The following PPP1R12C variants were observed in gnomAD, a reference collection of about 807,000 sequenced individuals.
PPP1R12C encodes the protein protein phosphatase 1 regulatory subunit 12C.
Under a neutral mutation model 95.6 loss-of-function variants are expected in PPP1R12C, and 48 were observed. The observed-to-expected ratio is 0.50, with a 90% CI of 0.40 to 0.64. The LOEUF (loss-of-function observed/expected upper bound fraction) is 0.64. PPP1R12C is among the 30% of genes least tolerant of loss of function. PPP1R12C has a pLI of 0.00. For synonymous variants in PPP1R12C, 480 were observed against 460.8 expected (o/e 1.04, Z -0.53); for missense variants, 1,057 against 1,083.3 (o/e 0.98, Z 0.34).
chr19:55,109,524 C>T lies in PPP1R12C; in HGVS notation c.571+2943G>A, dbSNP rs1339337278. 6.6e-6 allele frequency among the ~76,000 whole-genome samples: 1 copy of T among 152,240 alleles called. No individual in the cohort carries two copies. The highest frequency in any genetic ancestry group is 1.5e-5 in the Non-Finnish European group (1 of 68,036). The stretch of plus-strand genomic sequence containing the variant: ...GCGGTGTTGGAGGGAGCGGTGGCTC[C>T]AGGCCACGAGGTGACTGGCTGAGCA... On this transcript the variant is annotated intron_variant, in intron 3 of 21. Coordinates refer to ENST00000263433, the MANE Select transcript of PPP1R12C (RefSeq NM_017607.4). This position sits in a 1 kb window ranked among gnomAD's most constrained non-coding sequence, Gnocchi z 4.4.
chr19:55,113,038 G>C, intron 1 of PPP1R12C: 1 of 587,272 alleles, frequency 1.7e-6, no homozygotes, highest in South Asian at 2.2e-5. Flanking sequence ...CTGCAAACAG[G>C]AAGTGAACGG....
chr19:55,113,589 C>T (rs893861070), intron 1 of PPP1R12C: 21 of 1,296,806 alleles, frequency 1.6e-5, no homozygotes, highest in African/African-American at 9.2e-5. Flanking sequence ...GGGTGGGCTC[C>T]GGGACCTGAA....
Position 55,092,792 on chromosome 19 carries a change from C to G in PPP1R12C, c.1902G>C (p.Gly634=), listed in dbSNP as rs774899508. Residue 634 remains glycine (G), a synonymous_variant, in exon 16 of 22, where the codon GGG becomes GGC. Transcript: ENST00000263433. Reference sequence around the variant, plus strand: ...CACCTGAGCCCCTCACCTCCGCAGGCCCCCTCCACTCCTTTCCGACCTTGC... The same window carrying G: ...CACCTGAGCCCCTCACCTCCGCAGGGCCCCTCCACTCCTTTCCGACCTTGC... The part of the protein sequence containing the change: ...EHRKVGKEWR[G]PAEGEEAEPA... 3.9e-6 allele frequency: 6 copies of G among 1,558,088 alleles called. No homozygotes were observed. Among genetic ancestry groups the G allele is most frequent in the African/African-American group, 1.4e-5 (1 of 73,348 alleles).
intron 11 of PPP1R12C, 56 bp from the exon 12 acceptor site, chr19:55,094,854 T>G (rs1410949959): frequency 2.0e-6 from 3 of 1,532,884 alleles, no homozygotes; most frequent in Non-Finnish European, 2.6e-6. Flanking sequence ...GTGCCGGCAC[T>G]GGAGATGCAG....
At chr19:55,098,703 G>A (rs1255429058) in intron 6 of PPP1R12C, 81 bp downstream of exon 6, 20 of 1,548,552 alleles carry the variant, frequency 1.3e-5, no homozygotes, top group African/African-American at 9.5e-5. Flanking sequence ...GAAGTCGGGG[G>A]GGTTCCCCCT....
chr19:55,116,807 A>C (rs749549544), intron 1 of PPP1R12C, among the ~76,000 whole-genome samples: 1 of 152,074 alleles, frequency 6.6e-6, no homozygotes, highest in Non-Finnish European at 1.5e-5. Context: ...CAGGGCAGGG[A>C]AGGAGACAAA....
intron 3 of PPP1R12C, among the ~76,000 whole-genome samples, chr19:55,110,107 C>T (rs2085079222): frequency 6.6e-6 from 1 of 152,136 alleles, no homozygotes; most frequent in African/African-American, 2.4e-5. Flanking sequence ...TCAGAAAGTT[C>T]ACAGACCCCC....
At chr19:55,103,995 C>A (rs867789390) in intron 3 of PPP1R12C, among the ~76,000 whole-genome samples, 59 of 118,664 alleles carry the variant, frequency 5.0e-4, no homozygotes, top group Middle Eastern at 4.0e-3. Flanking sequence ...ACTAAAACTA[C>A]AAAAAAAAAA....
intron 18 of PPP1R12C, 52 bp from the exon 19 acceptor site, chr19:55,092,378 G>C (rs572853873): frequency 5.7e-6 from 9 of 1,567,560 alleles, no homozygotes; most frequent in Middle Eastern, 1.7e-4. Flanking sequence ...ATGCTGGGGG[G>C]GCGGGGAAGC....
chr19:55,112,497 C>T lies in PPP1R12C; in HGVS notation c.541G>A (p.Gly181Arg). The T allele has an allele frequency of 6.2e-7, 1 of 1,612,982 alleles. No homozygotes were observed. Among genetic ancestry groups the T allele is most frequent in the Non-Finnish European group, 8.5e-7 (1 of 1,179,804 alleles). Reference sequence around the variant, plus strand: ...CGGGCGATCTCCGCCTTCAGCAGCCCCTCCATGGCGTCCGACTCGGCCAGG... The same window carrying T: ...CGGGCGATCTCCGCCTTCAGCAGCCTCTCCATGGCGTCCGACTCGGCCAGG... Reference protein sequence around the residue: ...LDLAESDAMEGLLKAEIARRG... With the variant: ...LDLAESDAMERLLKAEIARRG... Residue 181 changes from glycine (G) to arginine (R), a missense_variant, in exon 3 of 22, where the codon GGG becomes AGG. Gly to Arg is a moderately radical substitution (Grantham distance 125, BLOSUM62 -2). Around this residue, in one of 5 missense-constraint regions of PPP1R12C, gnomAD observed 282 missense variants for 380.4 expected, o/e 0.74. Transcript: ENST00000263433.
At chr19:55,105,413 G>A (rs555842758) in intron 3 of PPP1R12C, among the ~76,000 whole-genome samples, 1 of 152,312 alleles carries the variant, frequency 6.6e-6, no homozygotes, top group South Asian at 2.1e-4. Context: ...TGTATCTGTA[G>A]ACAGAGCCCT....
chr19:55,117,209 C>A lies in PPP1R12C; in HGVS notation c.321+14G>T, dbSNP rs2085163480. ...GGACCTGGCCCCGGGAGACGCCGGG[C>A]GGGGGGCGCTGACCTGGTGCAGGGC... On this transcript the variant is annotated intron_variant, in intron 1 of 21. Coordinates refer to ENST00000263433, the MANE Select transcript of PPP1R12C (RefSeq NM_017607.4). 3 of 1,221,554 alleles carry A rather than the reference C, an allele frequency of 2.5e-6. No individual in the cohort carries two copies. Among genetic ancestry groups the A allele is most frequent in the African/African-American group, 1.6e-5 (1 of 63,690 alleles). The allele number at this position is 1,221,554 out of a possible 1,614,324, so 75.7% of individuals were successfully genotyped here.
chr19:55,112,979 G>A (rs1320979351), intron 1 of PPP1R12C, 184 bp from the exon 2 acceptor site: 10 of 781,938 alleles, frequency 1.3e-5, no homozygotes, highest in African/African-American at 3.5e-5. Context: ...TGGTCAGGCC[G>A]GCCAGGCCTT....
chr19:55,102,219 A>G (rs567684201), intron 4 of PPP1R12C, among the ~76,000 whole-genome samples: 1 of 152,310 alleles, frequency 6.6e-6, no homozygotes, highest in East Asian at 1.9e-4. Context: ...AATTTAAACT[A>G]TATATGCACC....
chr19:55,109,649 T>C lies in PPP1R12C; in HGVS notation c.571+2818A>G, dbSNP rs1275459985. On this transcript the variant is annotated intron_variant, in intron 3 of 21. Coordinates refer to ENST00000263433, the MANE Select transcript of PPP1R12C (RefSeq NM_017607.4). The surrounding 1 kb of genome is among the most constrained non-coding windows in gnomAD (Gnocchi z 4.4). ...GGTCGTGCCTGAGGCCGGTCTGTCT[T>C]CTCTCCCAGCCCTGCCTGTGAGTGG... Among the ~76,000 whole-genome samples the C allele has an allele frequency of 1.3e-5, 2 of 152,194 alleles. No individual in the cohort carries two copies. Among genetic ancestry groups the C allele is most frequent in the African/African-American group, 4.8e-5 (2 of 41,436 alleles).
chr19:55,094,906 C>A, intron 11 of PPP1R12C, 108 bp from the exon 12 acceptor site: 1 of 1,268,298 alleles, frequency 7.9e-7, no homozygotes, highest in South Asian at 1.3e-5. Flanking sequence ...ACAACAGAGT[C>A]AGAGCTGAGC....
chr19:55,117,449 C>A lies in PPP1R12C; in HGVS notation c.95G>T (p.Arg32Leu). Reference protein sequence around the residue: ...RREQLRQWGARAGAEPGPGER... With the variant: ...RREQLRQWGALAGAEPGPGER... The stretch of plus-strand genomic sequence containing the variant: ...TCCGGGGCCAGGCTCGGCGCCCGCC[C>A]GCGCCCCCCACTGCCGCAGCTGCTC... The change falls in exon 1 of 22, where the codon CGG (arginine) becomes CTG (leucine). Residue 32 changes from arginine to leucine, a missense_variant. Transcript: ENST00000263433. The A allele has an allele frequency of 1.0e-6, 1 of 997,254 alleles. No individual in the cohort carries two copies. Among genetic ancestry groups the A allele is most frequent in the Non-Finnish European group, 1.2e-6 (1 of 840,340 alleles). The allele number at this position is 997,254 out of a possible 1,614,324, so 61.8% of individuals were successfully genotyped here. A position where few individuals can be genotyped will look rare whatever the true frequency, so the allele number is the denominator to read the frequency against.
Position 55,117,376 on chromosome 19 carries a change from C to G in PPP1R12C, c.168G>C (p.Leu56=). The G allele has an allele frequency of 9.1e-7, 1 of 1,097,870 alleles. No individual in the cohort carries two copies. The highest frequency in any genetic ancestry group is 4.2e-5 in the South Asian group (1 of 23,878). 68.0% of individuals were successfully genotyped at this position (1,097,870 alleles called of 1,614,324 possible). ...CCAGGTCGCCGCCCGCACAGGCCGC[C>G]AGGAACTCGGCGGCGCGCTCGAAGC... The part of the protein sequence containing the change: ...TVRFERAAEF[L]AACAGGDLDE... The change falls in exon 1 of 22, where the codon CTG becomes CTC. Residue 56 remains leucine (L), a synonymous_variant. Coordinates refer to ENST00000263433, the MANE Select transcript of PPP1R12C (RefSeq NM_017607.4).
intron 3 of PPP1R12C, among the ~76,000 whole-genome samples, chr19:55,107,033 C>T (rs139034449): frequency 1.1e-3 from 168 of 152,176 alleles, no homozygotes; most frequent in African/African-American, 3.8e-3. Flanking sequence ...TAGAGAGATG[C>T]TCTGGACTTC....
Sources: allele counts gnomAD v4.1 joint callset (sites outside exome capture counted in the v4.1 genomes callset), GRCh38; gene constraint gnomAD v4.1.1; regional missense constraint gnomAD v4.1.1; non-coding constraint Gnocchi (gnomAD v3.1); transcripts MANE v1.5; gene names NCBI Gene and HGNC (gene_info 2026-07-23, HGNC 2026-07-21).